The following IL1RAPL2 variants were observed in gnomAD, a reference collection of about 807,000 sequenced individuals.
The protein encoded by IL1RAPL2 is interleukin 1 receptor accessory protein like 2.
Under a neutral mutation model 44.1 loss-of-function variants are expected in IL1RAPL2, and 3 were observed. The ratio of observed to expected loss-of-function variants is 0.07; its 90% CI spans 0.03 to 0.18. IL1RAPL2 has a LOEUF of 0.18. Among genes scored for constraint, IL1RAPL2 ranks in the 10% least tolerant of loss-of-function variants. IL1RAPL2 has a pLI of 1.00. For missense variants in IL1RAPL2, 391 were observed against 496.4 expected (o/e 0.79, Z 2.02); for synonymous variants, 181 against 178.8 (o/e 1.01, Z -0.10).
chrX:105,363,308 A>AATATATATAT (rs1219827978), intron 5 of IL1RAPL2, among the ~76,000 whole-genome samples: 33 of 68,552 alleles, frequency 4.8e-4, no homozygotes, highest in African/African-American at 4.1e-3. Flanking sequence ...ATATATATAT[A>AATATATATAT]ATATATATAT....
intron 2 of IL1RAPL2, among the ~76,000 whole-genome samples, chrX:105,150,634 T>G (rs2033218931): frequency 8.9e-6 from 1 of 112,102 alleles, no homozygotes; most frequent in African/African-American, 3.2e-5. Flanking sequence ...AAGTGATTTG[T>G]CTTTCATGGA....
intron 2 of IL1RAPL2, among the ~76,000 whole-genome samples, chrX:104,788,603 C>T (rs1298548529): frequency 9.0e-6 from 1 of 111,721 alleles, no homozygotes; most frequent in Non-Finnish European, 1.9e-5. Context: ...GATAATAATA[C>T]TGGTTCATTG....
At chrX:105,100,786 C>T in intron 2 of IL1RAPL2, among the ~76,000 whole-genome samples, 1 of 112,013 alleles carries the variant, frequency 8.9e-6, no homozygotes, top group South Asian at 3.7e-4. Context: ...TATAAGTGAA[C>T]AGGGTCCTAT....
Position 104,948,091 on chromosome X carries a change from C to G in IL1RAPL2, c.83-247384C>G, listed in dbSNP as rs756290778. On this transcript the variant is annotated intron_variant, in intron 2 of 10. Coordinates refer to ENST00000372582, the MANE Select transcript of IL1RAPL2 (RefSeq NM_017416.2). ...ATTTGTTTGTATCCTCTTTTATTTC[C>G]TTGAGCAGTGGTTTGTAGTTCTCCT... is the stretch of plus-strand genomic sequence containing the variant. Among the ~76,000 whole-genome samples, 7 of 107,921 alleles carry G rather than the reference C, an allele frequency of 6.5e-5. No homozygotes were observed. In the South Asian group the frequency reaches 2.1e-3, roughly 32 times the overall value. The allele number at this position is 107,921 out of a possible 115,157, so 93.7% of individuals were successfully genotyped here. A position where few individuals can be genotyped will look rare whatever the true frequency, so the allele number is the denominator to read the frequency against.
intron 2 of IL1RAPL2, among the ~76,000 whole-genome samples, chrX:104,989,689 A>T (rs1017830133): frequency 9.0e-6 from 1 of 111,238 alleles, no homozygotes; most frequent in East Asian, 2.8e-4. Flanking sequence ...TGTTCTCTGG[A>T]TTTATCAACT....
At chrX:105,036,060 G>A (rs992632968) in intron 2 of IL1RAPL2, among the ~76,000 whole-genome samples, 4 of 111,795 alleles carry the variant, frequency 3.6e-5, no homozygotes, top group African/African-American at 1.3e-4. Context: ...TGAGGTATCA[G>A]TGTCATTCTT....
intron 2 of IL1RAPL2, among the ~76,000 whole-genome samples, chrX:105,096,140 T>C (rs1474571318): frequency 8.9e-6 from 1 of 111,872 alleles, no homozygotes; most frequent in Admixed American, 9.5e-5. Flanking sequence ...CAATAAGATA[T>C]CATTTAATAT....
chrX:105,674,206 CA>C (rs1336867686), intron 6 of IL1RAPL2, among the ~76,000 whole-genome samples: 14 of 112,153 alleles, frequency 1.2e-4, no homozygotes, highest in African/African-American at 4.5e-4. Context: ...GCTTTTATTG[CA>C]ATCGCTTATG....
chrX:105,593,287 G>A (rs1290302902), intron 6 of IL1RAPL2, among the ~76,000 whole-genome samples: 1 of 111,571 alleles, frequency 9.0e-6, no homozygotes, highest in Non-Finnish European at 1.9e-5. Flanking sequence ...AATCAGTTTG[G>A]TTCTTTTTTA....
chrX:105,387,937 TCAGGAGTTCGAGA>T (rs1484620547), intron 5 of IL1RAPL2, among the ~76,000 whole-genome samples: 13 of 106,176 alleles, frequency 1.2e-4, no homozygotes, highest in Non-Finnish European at 2.1e-4. Flanking sequence ...TCACCTGAGG[TCAGGAGTTCGAGA>T]CCAGCGTGAC....
chrX:105,163,139 G>C (rs970928450), intron 2 of IL1RAPL2, among the ~76,000 whole-genome samples: 3 of 111,490 alleles, frequency 2.7e-5, no homozygotes, highest in African/African-American at 9.8e-5. Flanking sequence ...GTTACATACT[G>C]TCTATGGCTG....
rs777546250 is a variant in IL1RAPL2 at position 105,659,100 on chromosome X, CG to C, written c.773-58263del. 3.8e-4 allele frequency among the ~76,000 whole-genome samples: 42 copies of C among 110,413 alleles called. No individual in the cohort carries two copies. The East Asian group carries it at 0.011, about 29-fold the overall frequency. On this transcript the variant is annotated intron_variant, in intron 6 of 10. Coordinates refer to ENST00000372582, the MANE Select transcript of IL1RAPL2 (RefSeq NM_017416.2). ...TGAGATCATGCCATTGTGCTCCAGC[CG>C]GGGCAACAGAGTGAGACTCTGTCTC...
At chrX:105,143,657 G>A (rs1470918399) in intron 2 of IL1RAPL2, among the ~76,000 whole-genome samples, 1 of 112,263 alleles carries the variant, frequency 8.9e-6, no homozygotes, top group African/African-American at 3.2e-5. Flanking sequence ...TATGTTTATT[G>A]CAGCACTATT....
intron 2 of IL1RAPL2, among the ~76,000 whole-genome samples, chrX:104,849,311 A>C (rs1276396085): frequency 1.1e-5 from 1 of 95,107 alleles, no homozygotes; most frequent in Non-Finnish European, 2.1e-5. Context: ...CAGCCTCCCA[A>C]AGTGCTGGTA....
At chrX:104,721,292 A>G (rs369691102) in intron 2 of IL1RAPL2, among the ~76,000 whole-genome samples, 3 of 111,760 alleles carry the variant, frequency 2.7e-5, no homozygotes, top group East Asian at 2.8e-4. Flanking sequence ...ATGCCCATCA[A>G]TGATAGACTG....
chrX:104,887,739 G>A (rs746077158), intron 2 of IL1RAPL2, among the ~76,000 whole-genome samples: 1 of 111,552 alleles, frequency 9.0e-6, no homozygotes, highest in Non-Finnish European at 1.9e-5. Context: ...GACTTATGCT[G>A]CCCAAAATGA....
At chrX:105,252,393 T>G in intron 4 of IL1RAPL2, among the ~76,000 whole-genome samples, 1 of 111,919 alleles carries the variant, frequency 8.9e-6, no homozygotes, top group East Asian at 2.8e-4. Flanking sequence ...AGCATTGGGT[T>G]TTGACGTTAT....
chrX:105,347,556 CCATCAT>C (rs35941963), intron 5 of IL1RAPL2, among the ~76,000 whole-genome samples: 17,726 of 100,348 alleles, frequency 0.18, 3,878 homozygotes, highest in African/African-American at 0.59. Flanking sequence ...CTCTCTTCCT[CCATCAT>C]CATCATCATC....
chrX:104,650,708 G>T (rs1930137650), intron 1 of IL1RAPL2, among the ~76,000 whole-genome samples: 2 of 111,714 alleles, frequency 1.8e-5, no homozygotes, highest in African/African-American at 6.5e-5. Context: ...TCATTGTCCT[G>T]CACTTGACTA....
Sources: allele counts gnomAD v4.1 joint callset (sites outside exome capture counted in the v4.1 genomes callset), GRCh38; gene constraint gnomAD v4.1.1; transcripts MANE v1.5; gene names NCBI Gene and HGNC (gene_info 2026-07-23, HGNC 2026-07-21).